CPEB1: variants seen among roughly 807,000 people sequenced by gnomAD.
CPEB1 encodes the protein cytoplasmic polyadenylation element-binding protein 1.
CPEB1 carries 7 observed loss-of-function variants against 65.8 expected under a neutral mutation model. The ratio of observed to expected loss-of-function variants is 0.11; its 90% CI spans 0.06 to 0.20. The LOEUF (loss-of-function observed/expected upper bound fraction) is 0.20, where lower values mean the gene tolerates loss of function less well. Ranked by LOEUF, CPEB1 falls within the 10% of genes least tolerant of loss-of-function variation. The probability of loss-of-function intolerance (pLI) is 1.00; values close to 1 mark genes in which losing one functional copy is unlikely to be tolerated. For missense variants in CPEB1, 551 were observed against 712.2 expected, an observed-to-expected ratio of 0.77 and a Z score of 2.58; for synonymous variants, 262 against 260.0, an observed-to-expected ratio of 1.01 and a Z score of -0.08.
chr15:82,631,612 T>C (rs960580441), intron 1 of CPEB1, among the ~76,000 whole-genome samples: 1 of 152,138 alleles, frequency 6.6e-6, no homozygotes, highest in Non-Finnish European at 1.5e-5. Context: ...AGTCGTATCA[T>C]TATTATTATT....
At chr15:82,585,401 T>C (rs543293920) in intron 3 of CPEB1, among the ~76,000 whole-genome samples, 14 of 152,342 alleles carry the variant, frequency 9.2e-5, no homozygotes, top group East Asian at 1.9e-4. Flanking sequence ...GGTGGTACCA[T>C]GCAGAATAAG....
intron 1 of CPEB1, chr15:82,637,873 G>C (rs943350345): frequency 1.0e-5 from 4 of 382,920 alleles, no homozygotes; most frequent in Admixed American, 6.2e-5. Context: ...GTGTAAGTAG[G>C]TCATATGAAT....
chr15:82,544,185 A>C lies in CPEB1; in HGVS notation c.*407T>G. On this transcript the variant is annotated 3_prime_UTR_variant, in exon 13 of 13. Transcript: ENST00000684509. ...AGACCTGCGCATCATCACCATCAGT[A>C]TTGCAAGGAATGTAAAAAAGCGCTT... is the stretch of plus-strand genomic sequence containing the variant. The C allele has an allele frequency of 6.1e-6, 1 of 164,988 alleles. No homozygotes were observed. The highest frequency in any genetic ancestry group is 1.3e-5 in the Non-Finnish European group (1 of 75,830). 10.2% of individuals were successfully genotyped at this position (164,988 alleles called of 1,614,324 possible).
At chr15:82,620,727 C>T (rs1007430923) in intron 3 of CPEB1, among the ~76,000 whole-genome samples, 1 of 152,142 alleles carries the variant, frequency 6.6e-6, no homozygotes, top group Non-Finnish European at 1.5e-5. Flanking sequence ...CACTTGAGCC[C>T]AGGAGTTCAA....
chr15:82,641,028 A>G (rs932670105), intron 1 of CPEB1, among the ~76,000 whole-genome samples: 4 of 152,198 alleles, frequency 2.6e-5, no homozygotes, highest in Admixed American at 2.6e-4. Flanking sequence ...TAGAAATGAG[A>G]AAACGTGGGT....
intron 3 of CPEB1, among the ~76,000 whole-genome samples, chr15:82,626,165 G>T (rs552545070): frequency 6.6e-6 from 1 of 151,888 alleles, no homozygotes; most frequent in Non-Finnish European, 1.5e-5. Context: ...GCCGGGTGCA[G>T]TGGCTCACAC....
At chr15:82,635,488 T>C (rs1195899183) in intron 1 of CPEB1, among the ~76,000 whole-genome samples, 2 of 152,194 alleles carry the variant, frequency 1.3e-5, no homozygotes, top group Admixed American at 6.5e-5. Flanking sequence ...ACCTCAAGTC[T>C]TCTATGCAAC....
intron 3 of CPEB1, among the ~76,000 whole-genome samples, chr15:82,575,071 CAGAA>C (rs1240529978): frequency 2.6e-5 from 4 of 152,112 alleles, no homozygotes; most frequent in African/African-American, 7.2e-5. Context: ...AAAATAAAAA[CAGAA>C]AGGTCGTATG....
At position 82,566,535 on chromosome 15, in the gene CPEB1, AC is replaced by A. The variant is rs1231260214; in HGVS notation, c.460+4808del. ...TACCATATCTCTACTGTGGCGGTAA[AC>A]AGAGTGTGGACTTCCCCCCGACTGT... On this transcript the variant is annotated intron_variant, in intron 4 of 12. Transcript: ENST00000684509. Among the ~76,000 whole-genome samples the A allele has an allele frequency of 2.6e-5, 4 of 152,264 alleles. No individual in the cohort carries two copies. The East Asian group carries it at 5.8e-4, about 22-fold the overall frequency.
intron 4 of CPEB1, among the ~76,000 whole-genome samples, chr15:82,567,617 C>T (rs2039359140): frequency 6.6e-6 from 1 of 150,794 alleles, no homozygotes; most frequent in African/African-American, 2.4e-5. Context: ...GCTTGGTCGA[C>T]AGAGTGAGAC....
At chr15:82,585,011 T>A (rs1390292493) in intron 3 of CPEB1, among the ~76,000 whole-genome samples, 19 of 150,572 alleles carry the variant, frequency 1.3e-4, no homozygotes, top group Admixed American at 9.3e-4. Context: ...GAGTAGTTTT[T>A]GCAGATAAAA....
intron 3 of CPEB1, among the ~76,000 whole-genome samples, chr15:82,612,302 G>T (rs538670341): frequency 6.6e-6 from 1 of 151,960 alleles, no homozygotes; most frequent in South Asian, 2.1e-4. Context: ...TTCGAGACCA[G>T]CCTGCCTAAC....
In CPEB1 at chr15:82,628,390, A is replaced by T; in HGVS notation, c.70T>A (p.Ser24Thr). 1.4e-6 allele frequency: 1 copy of T among 702,870 alleles called. No homozygotes were observed. The highest frequency in any genetic ancestry group is 2.6e-6 in the Non-Finnish European group (1 of 384,922). The allele number at this position is 702,870 out of a possible 1,614,324, so 43.5% of individuals were successfully genotyped here. ...AGAGGAATTAGCAGAAGACAATCTG[A>T]TAGAGATGAGTGCTCCAAACCAGTG... ...SGTGLEHSSL[S>T]DCLLLIPLEE... The change falls in exon 2 of 13, where the codon TCA becomes ACA. Residue 24 changes from serine (S) to threonine (T), a missense_variant. Physicochemically the swap from Ser to Thr is moderately conservative, Grantham distance 58. Transcript: ENST00000684509.
intron 4 of CPEB1, among the ~76,000 whole-genome samples, chr15:82,570,033 G>C (rs909334459): frequency 2.0e-5 from 3 of 152,168 alleles, no homozygotes; most frequent in African/African-American, 7.2e-5. Context: ...AAAAACCTGA[G>C]TCAGCAGAAG....
chr15:82,546,902 CAGTGAGGG>C (rs1286534243), intron 11 of CPEB1, among the ~76,000 whole-genome samples: 1 of 152,206 alleles, frequency 6.6e-6, no homozygotes, highest in Admixed American at 6.5e-5. Context: ...AGAAATACCA[CAGTGAGGG>C]AAGGCACCCT....
chr15:82,589,300 T>A, intron 3 of CPEB1, among the ~76,000 whole-genome samples: 1 of 152,262 alleles, frequency 6.6e-6, no homozygotes, highest in East Asian at 1.9e-4. Flanking sequence ...CATGGCTGAC[T>A]ACTTGTTATT....
chr15:82,621,854 T>C (rs1020456271), intron 3 of CPEB1, among the ~76,000 whole-genome samples: 2 of 152,194 alleles, frequency 1.3e-5, no homozygotes, highest in African/African-American at 4.8e-5. Context: ...TAGGACTGCT[T>C]TGGCTAGTCA....
At chr15:82,621,670 G>A (rs960510983) in intron 3 of CPEB1, among the ~76,000 whole-genome samples, 2 of 151,924 alleles carry the variant, frequency 1.3e-5, no homozygotes, top group Non-Finnish European at 2.9e-5. Flanking sequence ...CAATTCTTTG[G>A]TCCTACATTA....
At chr15:82,591,249 TTTTCA>T (rs778016585) in intron 3 of CPEB1, among the ~76,000 whole-genome samples, 3 of 151,956 alleles carry the variant, frequency 2.0e-5, no homozygotes, top group African/African-American at 7.3e-5. Context: ...GTGGTTTTGA[TTTTCA>T]TTTGTTTTTT....
Sources: allele counts gnomAD v4.1 joint callset (sites outside exome capture counted in the v4.1 genomes callset), GRCh38; gene constraint gnomAD v4.1.1; transcripts MANE v1.5; gene names NCBI Gene and HGNC (gene_info 2026-07-23, HGNC 2026-07-21).